The following RMDN2 variants were observed in gnomAD, a reference collection of about 807,000 sequenced individuals.
The protein encoded by RMDN2 is regulator of microtubule dynamics 2, also known as regulator of microtubule dynamics protein 2.
A neutral mutation model predicts 52.8 loss-of-function variants in RMDN2; 61 were observed. The observed-to-expected ratio is 1.16, with a 90% CI of 0.94 to 1.43. The LOEUF is 1.43. Among genes scored for constraint, RMDN2 ranks in the 40% most tolerant of loss-of-function variants. The pLI is 0.00. For synonymous variants in RMDN2, 180 were observed against 153.1 expected (o/e 1.18, Z -1.30); for missense variants, 592 against 475.3 (o/e 1.25, Z -2.28).
intron 2 of RMDN2, among the ~76,000 whole-genome samples, chr2:37,962,340 T>C (rs1431179190): frequency 6.6e-6 from 1 of 152,216 alleles, no homozygotes; most frequent in African/African-American, 2.4e-5. Flanking sequence ...GGGAGTTTTA[T>C]CTGTAAGCCC....
intron 1 of RMDN2, among the ~76,000 whole-genome samples, chr2:37,925,733 C>A (rs1332779679): frequency 5.3e-5 from 8 of 152,232 alleles, no homozygotes; most frequent in African/African-American, 1.7e-4. Context: ...CAGTTTGCTG[C>A]CTCGGCCCGG....
intron 2 of RMDN2, chr2:37,952,031 T>A: frequency 2.5e-6 from 4 of 1,613,548 alleles, no homozygotes; most frequent in Non-Finnish European, 3.4e-6. Flanking sequence ...CCTCTCAAAG[T>A]GGAACTTTCC....
intron 10 of RMDN2, among the ~76,000 whole-genome samples, chr2:38,051,979 C>T (rs1340867308): frequency 1.3e-5 from 2 of 152,144 alleles, no homozygotes; most frequent in Non-Finnish European, 2.9e-5. Flanking sequence ...CTGCAATAAA[C>T]ATGGTGCAGG....
At position 37,951,714 on chromosome 2, in the gene RMDN2, A is replaced by G. The variant is rs768531525; in HGVS notation, c.452+21985A>G. The stretch of plus-strand genomic sequence containing the variant: ...AATCGAAATCTTTTCTAAAACTTCA[A>G]GTAATACTGATGCTAAAAAACATAT... On this transcript the variant is annotated intron_variant, in intron 2 of 10. Transcript: ENST00000354545. The G allele has an allele frequency of 7.4e-6, 12 of 1,612,658 alleles. No individual in the cohort carries two copies. Among genetic ancestry groups the G allele is most frequent in the East Asian group, 2.2e-5 (1 of 44,866 alleles).
At chr2:38,054,525 C>G (rs1681771554) in intron 10 of RMDN2, among the ~76,000 whole-genome samples, 1 of 152,192 alleles carries the variant, frequency 6.6e-6, no homozygotes, top group African/African-American at 2.4e-5. Flanking sequence ...ACCCCAAATT[C>G]CAAAATGGAG....
chr2:37,978,776 T>TCAGATAGA (rs1553365654), intron 4 of RMDN2, among the ~76,000 whole-genome samples: 1 of 63,790 alleles, frequency 1.6e-5, no homozygotes, highest in Non-Finnish European at 2.9e-5. Context: ...AGACCCTTTC[T>TCAGATAGA]CAGATAGATA....
In RMDN2 at chr2:38,041,653, A is replaced by G. The variant is rs527269558; in HGVS notation, c.1714-25329A>G. Among the ~76,000 whole-genome samples, 11 of 152,202 alleles carry G rather than the reference A, an allele frequency of 7.2e-5. No homozygotes were observed. The South Asian group carries it at 8.3e-4, about 12-fold the overall frequency. ...AGAGTTTTTGCTGAGAGTTTTTATC[A>G]TGAATGGGTGTTGGATTTTGTCAGA... On this transcript the variant is annotated intron_variant, in intron 10 of 10. Coordinates refer to the RMDN2 transcript ENST00000234195.
intron 7 of RMDN2, among the ~76,000 whole-genome samples, chr2:37,993,920 G>C (rs972270823): frequency 1.3e-5 from 2 of 152,150 alleles, no homozygotes; most frequent in Non-Finnish European, 2.9e-5. Context: ...CAAGTGTCTG[G>C]AGCTTCAATG....
intron 10 of RMDN2, among the ~76,000 whole-genome samples, chr2:38,004,659 C>G (rs1294414251): frequency 6.6e-6 from 1 of 151,970 alleles, no homozygotes; most frequent in Non-Finnish European, 1.5e-5. Context: ...TGACAGCCAC[C>G]CTTCTACTCT....
upstream of RMDN2, among the ~76,000 whole-genome samples, chr2:37,921,359 C>G (rs1666027315): frequency 6.6e-6 from 1 of 152,130 alleles, no homozygotes; most frequent in South Asian, 2.1e-4. Context: ...TTCCTGTGTT[C>G]TAGAGACTGC....
intron 7 of RMDN2, among the ~76,000 whole-genome samples, chr2:37,991,776 A>T (rs970517957): frequency 6.6e-6 from 1 of 152,192 alleles, no homozygotes; most frequent in African/African-American, 2.4e-5. Context: ...CTGGCCAGGG[A>T]TGAATAAAAC....
At chr2:38,028,102 C>G (rs1679915187) in intron 10 of RMDN2, 1 of 152,206 alleles carries the variant, frequency 6.6e-6, no homozygotes, top group African/African-American at 2.4e-5. Flanking sequence ...ATTAATCAAA[C>G]ATTTATTGAG....
Position 37,948,595 on chromosome 2 carries a change from T to C in RMDN2, c.452+18866T>C, listed in dbSNP as rs78556661. On this transcript the variant is annotated intron_variant, in intron 2 of 10. Transcript: ENST00000354545. ...CTATTTGCTTTTGGGCTAAGTCTAA[T>C]TTTGGTTCTCTTAAAAAGCCAAAAG... Among the ~76,000 whole-genome samples the C allele has an allele frequency of 1.9e-3, 283 of 152,340 alleles. 4 individuals carry two copies. The East Asian group carries it at 0.043, about 23-fold the overall frequency.
At position 38,017,674 on chromosome 2, in the gene RMDN2, A is replaced by T; in HGVS notation, c.*435A>T. 1 of 655,676 alleles carries T rather than the reference A, an allele frequency of 1.5e-6. No homozygotes were observed. The highest frequency in any genetic ancestry group is 3.8e-5 in the Admixed American group (1 of 26,378). 40.6% of individuals were successfully genotyped at this position (655,676 alleles called of 1,614,324 possible). The stretch of plus-strand genomic sequence containing the variant: ...TGTTGGCAGAAGAGGAAAAACAAAC[A>T]AATGTAGTATTGTAACTGGTAATCA... On this transcript the variant is annotated 3_prime_UTR_variant, in exon 11 of 11. Transcript: ENST00000354545.
chr2:37,956,568 T>C (rs1224624829), intron 2 of RMDN2, among the ~76,000 whole-genome samples: 2 of 152,120 alleles, frequency 1.3e-5, no homozygotes, highest in Non-Finnish European at 2.9e-5. Flanking sequence ...TCCTCTCTTC[T>C]GCTAGCTTTG....
At chr2:38,036,368 AAAG>A (rs1192717869) in intron 10 of RMDN2, 8 of 152,234 alleles carry the variant, frequency 5.3e-5, no homozygotes, top group Non-Finnish European at 1.0e-4. Context: ...GTATCCTAAT[AAAG>A]AAGAATTGTT....
intron 3 of RMDN2, chr2:37,974,926 T>A: frequency 3.4e-6 from 1 of 297,876 alleles, no homozygotes; most frequent in Non-Finnish European, 6.2e-6. Flanking sequence ...GAAGAATTTC[T>A]AGATTTTGGT....
At chr2:38,060,233 C>T (rs1681996087) in intron 10 of RMDN2, among the ~76,000 whole-genome samples, 1 of 152,010 alleles carries the variant, frequency 6.6e-6, no homozygotes, top group Non-Finnish European at 1.5e-5. Context: ...GCATGAGCCA[C>T]CACACCCGAC....
At chr2:38,002,158 G>A (rs1676407218) in intron 8 of RMDN2, among the ~76,000 whole-genome samples, 1 of 152,036 alleles carries the variant, frequency 6.6e-6, no homozygotes, top group South Asian at 2.1e-4. Context: ...GCCCTTATAA[G>A]GTGTTGGACC....
Sources: allele counts gnomAD v4.1 joint callset (sites outside exome capture counted in the v4.1 genomes callset), GRCh38; gene constraint gnomAD v4.1.1; transcripts MANE v1.5; gene names NCBI Gene and HGNC (gene_info 2026-07-23, HGNC 2026-07-21).